LARP1: variants seen among roughly 807,000 people sequenced by gnomAD.
The protein encoded by LARP1 is La ribonucleoprotein 1, translational regulator.
In LARP1, 36 loss-of-function variants were observed where a neutral mutation model predicts 122.7. The ratio of observed to expected loss-of-function variants is 0.29; its 90% CI spans 0.22 to 0.39. LARP1 has a LOEUF of 0.39. LARP1 is among the 10% of genes least tolerant of loss of function. LARP1 has a pLI of 1.00. For synonymous variants in LARP1, 539 were observed against 528.7 expected (o/e 1.02, Z -0.27); for missense variants, 1,040 against 1,403.6 (o/e 0.74, Z 4.14).
intron 1 of LARP1, among the ~76,000 whole-genome samples, chr5:154,741,790 T>C (rs1177265169): frequency 2.0e-5 from 3 of 152,160 alleles, no homozygotes; most frequent in Non-Finnish European, 4.4e-5. Context: ...TAGGCAGTTA[T>C]GGAGGGTTGT....
chr5:154,703,429 T>G (rs1256281352), intron 1 of LARP1, among the ~76,000 whole-genome samples: 2 of 152,030 alleles, frequency 1.3e-5, no homozygotes, highest in East Asian at 3.9e-4. Context: ...TCATTTTGAC[T>G]GTGGCCATTT....
At chr5:154,734,554 A>T (rs2396999) in intron 1 of LARP1, among the ~76,000 whole-genome samples, 123,400 of 152,114 alleles carry the variant, frequency 0.81, 50,984 homozygotes, top group Non-Finnish European at 0.91. Context: ...ATTTGACAAA[A>T]ATAGTATCAC....
chr5:154,760,138 A>G (rs1046366980), intron 1 of LARP1, among the ~76,000 whole-genome samples: 12 of 151,986 alleles, frequency 7.9e-5, no homozygotes, highest in African/African-American at 2.7e-4. Flanking sequence ...GGGTTTCTCC[A>G]TGTTGGTCAG....
At chr5:154,758,777 G>A (rs1332314480) in intron 1 of LARP1, among the ~76,000 whole-genome samples, 1 of 152,208 alleles carries the variant, frequency 6.6e-6, no homozygotes, top group Non-Finnish European at 1.5e-5. Flanking sequence ...TGGCTCAAAT[G>A]TTGGTGTTTT....
intron 1 of LARP1, among the ~76,000 whole-genome samples, chr5:154,782,961 TC>T (rs1756579977): frequency 6.6e-6 from 1 of 152,080 alleles, no homozygotes; most frequent in African/African-American, 2.4e-5. Flanking sequence ...CTCCACCCCA[TC>T]CCCAGGATGA....
chr5:154,702,889 G>C (rs1201443639), intron 1 of LARP1, among the ~76,000 whole-genome samples: 1 of 151,912 alleles, frequency 6.6e-6, no homozygotes, highest in Non-Finnish European at 1.5e-5. Flanking sequence ...GGAGGCCGAG[G>C]TGGGCGGATC....
chr5:154,747,885 C>T (rs1753285694), intron 1 of LARP1, among the ~76,000 whole-genome samples: 2 of 152,102 alleles, frequency 1.3e-5, no homozygotes, highest in African/African-American at 2.4e-5. Context: ...GACACAGTGT[C>T]TCCCTTTGTC....
At chr5:154,699,945 G>C (rs1455455933) in intron 1 of LARP1, among the ~76,000 whole-genome samples, 1 of 152,182 alleles carries the variant, frequency 6.6e-6, no homozygotes, top group African/African-American at 2.4e-5. Context: ...GGCAGAACCA[G>C]AACTGATTCC....
intron 1 of LARP1, among the ~76,000 whole-genome samples, chr5:154,749,774 T>C (rs139758696): frequency 9.2e-5 from 14 of 152,182 alleles, no homozygotes; most frequent in African/African-American, 3.4e-4. Context: ...AAGTGATTAG[T>C]GCAAGCTCTT....
rs149741807 is a variant in LARP1 at position 154,805,295 on chromosome 5, G to C, written c.2547-586G>C. 7.1e-5 allele frequency: 16 copies of C among 224,752 alleles called. 1 individual carries two copies. In the East Asian group the frequency reaches 2.0e-3, roughly 28 times the overall value. The allele number at this position is 224,752 out of a possible 1,614,324, so 13.9% of individuals were successfully genotyped here. On this transcript the variant is annotated intron_variant, in intron 14 of 18. Transcript: ENST00000518297. ...TAGAATCATCATAAAGGTCTTCATC[G>C]TCGTGGTCTTCATGTTTAGCAGGCT... is the stretch of plus-strand genomic sequence containing the variant.
upstream of LARP1, among the ~76,000 whole-genome samples, chr5:154,708,838 C>T (rs1194551799): frequency 1.3e-5 from 2 of 152,054 alleles, no homozygotes; most frequent in Non-Finnish European, 2.9e-5. Flanking sequence ...CTCGAACTTC[C>T]GACCTCTGGA....
chr5:154,786,003 C>G (rs1305049369), intron 1 of LARP1, among the ~76,000 whole-genome samples: 1 of 152,182 alleles, frequency 6.6e-6, no homozygotes, highest in Non-Finnish European at 1.5e-5. Flanking sequence ...CTCAACACCA[C>G]CATATTCAGA....
rs769997528 is a variant in LARP1, at chr5:154,792,614, T to G, written c.565-8T>G. The G allele has an allele frequency of 8.1e-6, 13 of 1,613,256 alleles. No homozygotes were observed. The African/African-American group carries it at 1.3e-4, about 17-fold the overall frequency. ...CTCACCTCACTGTTACTTTACTTCC[T>G]GCTATAGCCACAGTCCCACAAGCCT... On this transcript the variant is annotated splice_polypyrimidine_tract_variant and splice_region_variant and intron_variant, in intron 3 of 18. Coordinates refer to ENST00000518297, the MANE Select transcript of LARP1 (RefSeq NM_033551.3).
In LARP1 at chr5:154,811,500, CCT is replaced by C; in HGVS notation, c.2954-9_2954-8del. 3.7e-6 allele frequency: 6 copies of C among 1,614,234 alleles called. No individual in the cohort carries two copies. The highest frequency in any genetic ancestry group is 5.1e-6 in the Non-Finnish European group (6 of 1,180,030). On this transcript the variant is annotated splice_polypyrimidine_tract_variant and intron_variant, in intron 17 of 18. Coordinates refer to ENST00000518297, the MANE Select transcript of LARP1 (RefSeq NM_033551.3). ...TCCTCACCAGCTCAGCTTTTCTGTA[CCT>C]CTCCCTACAGGCCAACTGTATGGGC...
At chr5:154,780,728 C>G (rs1004499947) in intron 1 of LARP1, among the ~76,000 whole-genome samples, 6 of 152,168 alleles carry the variant, frequency 3.9e-5, no homozygotes, top group African/African-American at 1.4e-4. Context: ...TCAGAAGCCT[C>G]TTCCAACAAA....
Position 154,808,679 on chromosome 5 carries a change from A to G in LARP1, c.2843+76A>G, listed in dbSNP as rs1327639628. The G allele has an allele frequency of 3.4e-6, 5 of 1,467,420 alleles. No individual in the cohort carries two copies. In the African/African-American group the frequency reaches 7.1e-5, roughly 21 times the overall value. 90.9% of individuals were successfully genotyped at this position (1,467,420 alleles called of 1,614,324 possible). ...GATCCCTAGTTGGTCTGCTTCCAGAACTGTAGTTGGAAATTCCTTGCATGT... is the reference window on the plus strand; with the variant it reads ...GATCCCTAGTTGGTCTGCTTCCAGAGCTGTAGTTGGAAATTCCTTGCATGT... On this transcript the variant is annotated intron_variant, in intron 16 of 18. Coordinates refer to ENST00000518297, the MANE Select transcript of LARP1 (RefSeq NM_033551.3).
At chr5:154,804,805 C>T (rs1758629357) in intron 14 of LARP1, 1 of 456,120 alleles carries the variant, frequency 2.2e-6, no homozygotes, top group African/African-American at 2.0e-5. Context: ...TTCCTGTTTC[C>T]CAAAGCAAGC....
chr5:154,805,155 G>A (rs1272250483), intron 14 of LARP1: 5 of 335,232 alleles, frequency 1.5e-5, no homozygotes, highest in African/African-American at 2.2e-5. Flanking sequence ...TTGGTGGGGA[G>A]AGGGAGGAGA....
intron 18 of LARP1, among the ~76,000 whole-genome samples, chr5:154,811,997 C>T (rs558902933): frequency 6.6e-6 from 1 of 152,316 alleles, no homozygotes; most frequent in Non-Finnish European, 1.5e-5. Context: ...CCAATTCCAA[C>T]CCCAGTTTAT....
Sources: gnomAD v4.1 joint callset for allele counts (sites outside exome capture counted in the v4.1 genomes callset) on GRCh38, gnomAD v4.1.1 for gene constraint, MANE v1.5 for transcripts, NCBI Gene and HGNC (gene_info 2026-07-23, HGNC 2026-07-21) for gene names.